The following SYNE1 variants were observed in gnomAD, a reference collection of about 807,000 sequenced individuals.
SYNE1 encodes nesprin-1.
Under a neutral mutation model 1,111.0 loss-of-function variants are expected in SYNE1, and 616 were observed. The observed-to-expected ratio is 0.55, with a 90% CI of 0.52 to 0.59. SYNE1 has a LOEUF of 0.59. Ranked by LOEUF, SYNE1 falls within the 20% of genes least tolerant of loss-of-function variation. The pLI, the probability that SYNE1 is intolerant of heterozygous loss-of-function variation, is 0.00. For synonymous variants in SYNE1, 3,855 were observed against 3,825.8 expected (o/e 1.01, Z -0.28); for missense variants, 10,006 against 10,417.0 (o/e 0.96, Z 1.72).
chr6:152,211,389 A>T, intron 124 of SYNE1, 105 bp downstream of exon 124: 1 of 925,590 alleles, frequency 1.1e-6, no homozygotes, highest in Non-Finnish European at 1.7e-6. Context: ...ACTACAGTTC[A>T]ATTGCCTCAG....
chr6:152,214,618 CA>C (rs1258861770), intron 122 of SYNE1, among the ~76,000 whole-genome samples: 7 of 152,190 alleles, frequency 4.6e-5, no homozygotes, highest in Admixed American at 3.3e-4. Context: ...AAAGAAGATT[CA>C]CACAGCGTTC....
chr6:152,441,987 C>T, intron 31 of SYNE1, 88 bp downstream of exon 31: 1 of 1,503,354 alleles, frequency 6.7e-7, no homozygotes, highest in African/African-American at 1.4e-5. Context: ...GAGGCGGTAA[C>T]AAAGGTTCGC....
intron 16 of SYNE1, among the ~76,000 whole-genome samples, chr6:152,470,772 T>C (rs1326206233): frequency 6.6e-6 from 1 of 152,218 alleles, no homozygotes; most frequent in African/African-American, 2.4e-5. Flanking sequence ...TGATTTATCA[T>C]AGTATTTGTG....
At chr6:152,343,969 T>A in intron 74 of SYNE1, 112 bp downstream of exon 74, 7 of 1,483,342 alleles carry the variant, frequency 4.7e-6, no homozygotes, top group Non-Finnish European at 6.5e-6. Flanking sequence ...TTCTTCCTAC[T>A]TTTAGATTCC....
intron 3 of SYNE1, among the ~76,000 whole-genome samples, chr6:152,601,324 G>T (rs190610742): frequency 9.8e-4 from 150 of 152,318 alleles, no homozygotes; most frequent in Middle Eastern, 3.4e-3. Flanking sequence ...GCTAGGCATA[G>T]GGTTAATTTA....
At chr6:152,414,179 G>A (rs2098117362) in intron 41 of SYNE1, among the ~76,000 whole-genome samples, 1 of 151,972 alleles carries the variant, frequency 6.6e-6, no homozygotes, top group African/African-American at 2.4e-5. Flanking sequence ...CAAGGTGGGA[G>A]AACTGCTTGA....
In SYNE1 at chr6:152,130,778, G is replaced by T; in HGVS notation, c.26095C>A (p.Pro8699Thr). 2 of 1,614,162 alleles carry T rather than the reference G, an allele frequency of 1.2e-6. No homozygotes were observed. Among genetic ancestry groups the T allele is most frequent in the South Asian group, 2.2e-5 (2 of 91,062 alleles). The change falls in exon 145 of 146, where the codon CCA becomes ACA. Residue 8699 changes from proline (P) to threonine (T), a missense_variant and splice_region_variant. Around this residue, in one of 7 missense-constraint regions of SYNE1, gnomAD observed 761 missense variants for 795.5 expected, o/e 0.96. Coordinates refer to ENST00000367255, the MANE Select transcript of SYNE1 (RefSeq NM_182961.4). ...TGTGAGAGACTACACTTGCCTCGTG[G>T]CTGTTTGCAATGAACAGGGGGTAAA... ...GRSTPNRQKT[P>T]RGKCSLSQPG...
chr6:152,256,423 C>T (rs1037186693), intron 102 of SYNE1, among the ~76,000 whole-genome samples: 2 of 140,972 alleles, frequency 1.4e-5, no homozygotes, highest in Admixed American at 7.3e-5. Context: ...GAGTGAGACT[C>T]GGTCTAAAAA....
Position 152,416,706 on chromosome 6 carries a change from C to T in SYNE1, c.5731G>A (p.Asp1911Asn), listed in dbSNP as rs979671629. ...ESDLIEKDLN[D>N]ALQNAKALES... ...AATGCTTTAGCATTTTGAAGAGCATCATTGAGGTCCTTTTCTATCAAATCA... is the reference window on the plus strand; with the variant it reads ...AATGCTTTAGCATTTTGAAGAGCATTATTGAGGTCCTTTTCTATCAAATCA... Residue 1911 changes from aspartate to asparagine, a missense_variant, in exon 41 of 146, where the codon GAT becomes AAT. Asp to Asn is a conservative substitution (Grantham distance 23). Around this residue, in one of 7 missense-constraint regions of SYNE1, gnomAD observed 4,955 missense variants for 5,017.2 expected, o/e 0.99. Coordinates refer to ENST00000367255, the MANE Select transcript of SYNE1 (RefSeq NM_182961.4). The T allele has an allele frequency of 1.9e-6, 3 of 1,614,224 alleles. No individual in the cohort carries two copies. The highest frequency in any genetic ancestry group is 1.1e-5 in the South Asian group (1 of 91,086).
intron 47 of SYNE1, among the ~76,000 whole-genome samples, chr6:152,400,442 T>A (rs1471198299): frequency 1.3e-5 from 2 of 151,980 alleles, no homozygotes; most frequent in Non-Finnish European, 2.9e-5. Flanking sequence ...GGCCAGTGGA[T>A]CATTTGAGGT....
chr6:152,249,268 G>C lies in SYNE1; in HGVS notation c.19471-6C>G. 2 of 1,575,504 alleles carry C rather than the reference G, an allele frequency of 1.3e-6. No homozygotes were observed. The highest frequency in any genetic ancestry group is 1.7e-6 in the Non-Finnish European group (2 of 1,144,934). On this transcript the variant is annotated splice_polypyrimidine_tract_variant and splice_region_variant and intron_variant, in intron 104 of 145. Coordinates refer to ENST00000367255, the MANE Select transcript of SYNE1 (RefSeq NM_182961.4). ...AACAGCACTTTCAGATCATTCTAAG[G>C]AGGAAAGCAACGGGAAAACTCAAAA...
chr6:152,398,153 C>T (rs926320505), intron 49 of SYNE1, among the ~76,000 whole-genome samples: 4 of 152,144 alleles, frequency 2.6e-5, no homozygotes, highest in Admixed American at 2.6e-4. Context: ...CCTTCTCCTT[C>T]CTAAGCTCAT....
intron 130 of SYNE1, among the ~76,000 whole-genome samples, chr6:152,176,182 A>G (rs1168204109): frequency 6.6e-6 from 1 of 152,170 alleles, no homozygotes; most frequent in East Asian, 1.9e-4. Flanking sequence ...TCTCGCAGCT[A>G]CATACAAACA....
At position 152,201,906 on chromosome 6, in the gene SYNE1, T is replaced by C. The variant is rs2075536765; in HGVS notation, c.23063A>G (p.Lys7688Arg). 1.2e-6 allele frequency: 2 copies of C among 1,613,798 alleles called. No individual in the cohort carries two copies. Among genetic ancestry groups the C allele is most frequent in the South Asian group, 2.2e-5 (2 of 91,078 alleles). ...CEKGIADSLEKLRTFKKKLSQ... is the reference protein window; with the variant it reads ...CEKGIADSLERLRTFKKKLSQ... ...AAGCTTCTTTTTGAAAGTTCGTAGTTTCTCCAGGGAATCTGCTATTCCTTT... is the reference window on the plus strand; with the variant it reads ...AAGCTTCTTTTTGAAAGTTCGTAGTCTCTCCAGGGAATCTGCTATTCCTTT... Residue 7688 changes from lysine to arginine, a missense_variant, in exon 127 of 146, where the codon AAA becomes AGA. By Grantham distance (26) the Lys-to-Arg change is conservative. Transcript: ENST00000367255.
intron 37 of SYNE1, 150 bp from the exon 38 acceptor site, chr6:152,427,966 T>A (rs2098385824): frequency 1.6e-6 from 2 of 1,248,392 alleles, no homozygotes; most frequent in Non-Finnish European, 2.2e-6. Context: ...AAATCCCTCC[T>A]TTTATTTTCA....
chr6:152,329,538 AAAAACAAAAC>A lies in SYNE1; in HGVS notation c.14955+182_14955+191del, dbSNP rs529023140. Among the ~76,000 whole-genome samples, 43 of 152,354 alleles carry A rather than the reference AAAAACAAAAC, an allele frequency of 2.8e-4. No individual in the cohort carries two copies. The East Asian group carries it at 7.1e-3, about 25-fold the overall frequency. ...CGAGACTTCGTCTCAAAAAAACCCAAAAAACAAAACAAAACAAAACAAAACGAAAAACAAT... is the reference window on the plus strand; with the variant it reads ...CGAGACTTCGTCTCAAAAAAACCCAAAAAACAAAACAAAACGAAAAACAAT... On this transcript the variant is annotated intron_variant, in intron 78 of 145. Transcript: ENST00000367255.
chr6:152,201,009 C>G (rs1174151770), intron 127 of SYNE1, among the ~76,000 whole-genome samples: 1 of 152,166 alleles, frequency 6.6e-6, no homozygotes, highest in Non-Finnish European at 1.5e-5. Flanking sequence ...CTAATTAAAA[C>G]CCAAGTCATT....
intron 112 of SYNE1, 75 bp from the exon 113 acceptor site, chr6:152,232,340 A>G: frequency 6.8e-7 from 1 of 1,474,342 alleles, no homozygotes; most frequent in Non-Finnish European, 9.5e-7. Context: ...TAAAAACCCT[A>G]CAATAATTCT....
chr6:152,597,641 A>G (rs2099585729), intron 3 of SYNE1, among the ~76,000 whole-genome samples: 1 of 152,186 alleles, frequency 6.6e-6, no homozygotes, highest in South Asian at 2.1e-4. Context: ...CACAAACTCC[A>G]GAGACCATGT....
Sources: gnomAD v4.1 joint callset for allele counts (sites outside exome capture counted in the v4.1 genomes callset) on GRCh38, gnomAD v4.1.1 for gene constraint, gnomAD v4.1.1 regional missense constraint, MANE v1.5 for transcripts, NCBI Gene and HGNC (gene_info 2026-07-23, HGNC 2026-07-21) for gene names.